Variants in LUC7L observed in about 807,000 individuals in gnomAD.
LUC7L encodes the protein putative RNA-binding protein Luc7-like 1.
LUC7L carries 29 observed loss-of-function variants against 51.1 expected under a neutral mutation model. The ratio of observed to expected loss-of-function variants is 0.57; its 90% confidence interval spans 0.42 to 0.77. The LOEUF is 0.77. Among genes scored for constraint, LUC7L ranks in the 30% least tolerant of loss-of-function variants. The pLI is 0.00. For synonymous variants in LUC7L, 181 were observed against 180.7 expected (o/e 1.00, Z -0.01); for missense variants, 403 against 511.9 (o/e 0.79, Z 2.05).
At chr16:225,503 T>G (rs1396356562) in intron 2 of LUC7L, among the ~76,000 whole-genome samples, 1 of 139,196 alleles carries the variant, frequency 7.2e-6, no homozygotes, top group Non-Finnish European at 1.6e-5. Context: ...TTTTTTTTTT[T>G]GAGACAGAGT....
chr16:209,670 T>C (rs1472819710), intron 3 of LUC7L: 1 of 152,002 alleles, frequency 6.6e-6, no homozygotes, highest in Non-Finnish European at 1.5e-5. Context: ...AAAAACTAAA[T>C]TTTAGGTGGA....
At chr16:216,487 A>C (rs533506025) in intron 3 of LUC7L, among the ~76,000 whole-genome samples, 20 of 142,192 alleles carry the variant, frequency 1.4e-4, no homozygotes, top group South Asian at 1.3e-3. Context: ...GGTTCCAGTG[A>C]TTCTCCTGCC....
At chr16:204,581 G>A (rs975152880) in intron 5 of LUC7L, among the ~76,000 whole-genome samples, 9 of 149,580 alleles carry the variant, frequency 6.0e-5, no homozygotes, top group Admixed American at 2.0e-4. Flanking sequence ...GGGACAGAGC[G>A]AGACTCCATC....
At chr16:225,812 A>C (rs2050117150) in intron 2 of LUC7L, among the ~76,000 whole-genome samples, 1 of 148,274 alleles carries the variant, frequency 6.7e-6, no homozygotes. Context: ...AAAAAAAAGA[A>C]AAGAAAAGAA....
At position 229,202 on chromosome 16, in the gene LUC7L, GC is replaced by G. The variant is rs751327937; in HGVS notation, c.61+76del. The G allele has an allele frequency of 1.1e-5, 17 of 1,502,724 alleles. 2 individuals are homozygous for G. In the South Asian group the frequency reaches 2.1e-4, roughly 19 times the overall value. The allele number at this position is 1,502,724 out of a possible 1,614,324, so 93.1% of individuals were successfully genotyped here. A position where few individuals can be genotyped will look rare whatever the true frequency, so the allele number is the denominator to read the frequency against. ...GCAGGCGCAGGCGCAGACGATCGCGGCCCCCGCCTCAGGCCGCCCGGCGGCC... is the reference window on the plus strand; with the variant it reads ...GCAGGCGCAGGCGCAGACGATCGCGGCCCCGCCTCAGGCCGCCCGGCGGCC... On this transcript the variant is annotated intron_variant, in intron 1 of 9. Coordinates refer to ENST00000293872, the MANE Select transcript of LUC7L (RefSeq NM_201412.3).
At chr16:201,737 CTTT>C (rs34083330) in intron 5 of LUC7L, among the ~76,000 whole-genome samples, 14 of 54,288 alleles carry the variant, frequency 2.6e-4, no homozygotes, top group East Asian at 1.1e-3. Flanking sequence ...CCGCACCAGG[CTTT>C]TTTTTTTTTT....
chr16:189,118 G>A lies in LUC7L; in HGVS notation c.*80C>T. On this transcript the variant is annotated 3_prime_UTR_variant, in exon 10 of 10. Transcript: ENST00000293872. The stretch of plus-strand genomic sequence containing the variant: ...AGAAATTTTAAACTACAAAAGATGA[G>A]TTGTATTCAGCAAATATAAAGGGTA... 1.4e-6 allele frequency: 2 copies of A among 1,410,510 alleles called. No homozygotes were observed. The highest frequency in any genetic ancestry group is 1.9e-6 in the Non-Finnish European group (2 of 1,029,692). 87.4% of individuals were successfully genotyped at this position (1,410,510 alleles called of 1,614,324 possible).
chr16:227,327 G>T lies in LUC7L; in HGVS notation c.71C>A (p.Thr24Asn), dbSNP rs1286748852. The T allele has an allele frequency of 1.2e-6, 2 of 1,607,358 alleles. No individual in the cohort carries two copies. The highest frequency in any genetic ancestry group is 8.5e-7 in the Non-Finnish European group (1 of 1,176,178). Residue 24 changes from threonine (T) to asparagine (N), a missense_variant, in exon 2 of 10, where the codon ACC (threonine) becomes AAC (asparagine). Coordinates refer to ENST00000293872, the MANE Select transcript of LUC7L (RefSeq NM_201412.3). ...ATCTGTAAACTTGACCCTCTGTCTG[G>T]TTTCGTCTCCTGAAATTCATTTGTG... is the stretch of plus-strand genomic sequence containing the variant. Reference protein sequence around the residue: ...LMGTARDGDETRQRVKFTDDR... With the variant: ...LMGTARDGDENRQRVKFTDDR...
chr16:228,810 G>A (rs1382936836), intron 1 of LUC7L: 25 of 1,290,120 alleles, frequency 1.9e-5, no homozygotes, highest in Non-Finnish European at 2.5e-5. Context: ...CTCAGTTTAC[G>A]GTTCCCCTTG....
intron 3 of LUC7L, among the ~76,000 whole-genome samples, chr16:211,065 A>AAT (rs1464290013): frequency 3.0e-4 from 45 of 147,572 alleles, no homozygotes; most frequent in Non-Finnish European, 5.9e-4. Flanking sequence ...AAAAAAAAAA[A>AAT]GAACACTAAA....
At chr16:225,941 C>A (rs1005790594) in intron 2 of LUC7L, among the ~76,000 whole-genome samples, 2 of 152,220 alleles carry the variant, frequency 1.3e-5, no homozygotes, top group Non-Finnish European at 2.9e-5. Context: ...CATCTATCTG[C>A]TCCCTCTGAC....
intron 6 of LUC7L, among the ~76,000 whole-genome samples, chr16:195,202 T>A (rs1567173738): frequency 6.6e-6 from 1 of 151,444 alleles, no homozygotes; most frequent in Admixed American, 6.6e-5. Flanking sequence ...ACTGGGAGGA[T>A]CATGTGAGGA....
chr16:229,113 A>G (rs1567197694), intron 1 of LUC7L, 166 bp downstream of exon 1: 5 of 1,402,538 alleles, frequency 3.6e-6, no homozygotes, highest in Non-Finnish European at 4.6e-6. Flanking sequence ...TCAGAGACGC[A>G]CCGGCTTAGA....
At chr16:224,347 C>T (rs1228710638) in intron 2 of LUC7L, among the ~76,000 whole-genome samples, 7 of 150,368 alleles carry the variant, frequency 4.7e-5, no homozygotes, top group Admixed American at 2.7e-4. Flanking sequence ...GGTGAAACCC[C>T]GTCTCTACTA....
At chr16:199,515 T>C (rs532980402) in intron 5 of LUC7L, among the ~76,000 whole-genome samples, 6 of 152,212 alleles carry the variant, frequency 3.9e-5, no homozygotes, top group African/African-American at 1.4e-4. Flanking sequence ...CTCACGCCTG[T>C]AATCCCAGCA....
At chr16:193,303 C>T (rs1235273690) in intron 6 of LUC7L, among the ~76,000 whole-genome samples, 1 of 151,896 alleles carries the variant, frequency 6.6e-6, no homozygotes, top group African/African-American at 2.4e-5. Flanking sequence ...CATGCCACCA[C>T]ACCCAACTAA....
At chr16:194,153 G>C (rs2049090561) in intron 6 of LUC7L, among the ~76,000 whole-genome samples, 1 of 151,770 alleles carries the variant, frequency 6.6e-6, no homozygotes, top group African/African-American at 2.4e-5. Context: ...AGGCTGGATG[G>C]AGTGCAGTGG....
chr16:212,131 T>TA (rs2049661076), intron 3 of LUC7L, among the ~76,000 whole-genome samples: 1 of 152,160 alleles, frequency 6.6e-6, no homozygotes, highest in Non-Finnish European at 1.5e-5. Flanking sequence ...CCATCTCTAC[T>TA]AAAAATACAA....
At chr16:204,216 G>T (rs2049414020) in intron 5 of LUC7L, among the ~76,000 whole-genome samples, 1 of 151,310 alleles carries the variant, frequency 6.6e-6, no homozygotes, top group Non-Finnish European at 1.5e-5. Context: ...GGCCAAGGCA[G>T]ACGGATCACC....
Sources: gnomAD v4.1 joint callset for allele counts (sites outside exome capture counted in the v4.1 genomes callset) on GRCh38, gnomAD v4.1.1 for gene constraint, MANE v1.5 for transcripts, NCBI Gene and HGNC (gene_info 2026-07-23, HGNC 2026-07-21) for gene names.